Variants in MAGI2 observed in about 807,000 individuals in gnomAD.
MAGI2 encodes the protein membrane associated guanylate kinase, WW and PDZ domain containing 2.
MAGI2 carries 35 observed loss-of-function variants against 133.3 expected under a neutral mutation model. That is an observed-to-expected ratio of 0.26 (90% CI 0.20 to 0.35). The LOEUF is 0.35. MAGI2 is among the 10% of genes least tolerant of loss of function. The pLI, the probability that MAGI2 is intolerant of heterozygous loss-of-function variation, is 1.00. For missense variants in MAGI2, 1,636 were observed against 1,863.4 expected (o/e 0.88, Z 2.25); for synonymous variants, 729 against 710.6 (o/e 1.03, Z -0.41).
At chr7:78,467,180 C>T (rs1790718846) in intron 6 of MAGI2, among the ~76,000 whole-genome samples, 1 of 152,110 alleles carries the variant, frequency 6.6e-6, no homozygotes, top group South Asian at 2.1e-4. Flanking sequence ...GGTTCTCTGT[C>T]ACATTTGGAG....
At chr7:79,024,751 A>AAAGCTCAAT (rs1443199397) in intron 1 of MAGI2, among the ~76,000 whole-genome samples, 14 of 152,154 alleles carry the variant, frequency 9.2e-5, no homozygotes, top group African/African-American at 3.1e-4. Flanking sequence ...CACATGAAAA[A>AAAGCTCAAT]AAGCTCAATA....
chr7:79,437,570 T>C (rs1178994353), intron 1 of MAGI2, among the ~76,000 whole-genome samples: 10 of 152,208 alleles, frequency 6.6e-5, no homozygotes, highest in African/African-American at 2.4e-4. Context: ...AACATAGTAC[T>C]CAAAGAGTAA....
At chr7:79,226,895 T>C (rs1480880975) in intron 1 of MAGI2, among the ~76,000 whole-genome samples, 1 of 152,200 alleles carries the variant, frequency 6.6e-6, no homozygotes, top group Non-Finnish European at 1.5e-5. Flanking sequence ...TTAGAATATG[T>C]AATTTGCAAG....
chr7:78,137,621 A>G (rs935534016), intron 16 of MAGI2, among the ~76,000 whole-genome samples: 7 of 152,224 alleles, frequency 4.6e-5, no homozygotes, highest in Non-Finnish European at 8.8e-5. Context: ...CCTAAGTATC[A>G]ACACAGGAAA....
chr7:78,575,367 T>G (rs958982311), intron 3 of MAGI2, among the ~76,000 whole-genome samples: 1 of 152,156 alleles, frequency 6.6e-6, no homozygotes, highest in African/African-American at 2.4e-5. Flanking sequence ...TGAGGTAGAA[T>G]AGAAAAATCT....
intron 2 of MAGI2, among the ~76,000 whole-genome samples, chr7:78,669,873 C>G (rs1365744246): frequency 1.6e-4 from 24 of 150,976 alleles, no homozygotes; most frequent in East Asian, 7.8e-4. Context: ...ATTCAACAAC[C>G]CTTCATGCTA....
intron 2 of MAGI2, among the ~76,000 whole-genome samples, chr7:78,718,301 G>A (rs1280247570): frequency 2.6e-5 from 4 of 152,092 alleles, no homozygotes; most frequent in East Asian, 1.9e-4. Flanking sequence ...AGCACATACC[G>A]TCCATCTCAG....
intron 2 of MAGI2, among the ~76,000 whole-genome samples, chr7:78,687,969 T>TA (rs72030909): frequency 0.02 from 1,322 of 66,986 alleles, 54 homozygotes; most frequent in Non-Finnish European, 0.021. Flanking sequence ...GTCCTTGCCT[T>TA]AAAAAAAAAA....
chr7:79,433,997 A>C (rs1847965931), intron 1 of MAGI2, among the ~76,000 whole-genome samples: 2 of 152,122 alleles, frequency 1.3e-5, no homozygotes, highest in African/African-American at 4.8e-5. Context: ...CCATTTTATC[A>C]CTAATTTACG....
At chr7:78,076,763 G>A (rs1299179499) in intron 21 of MAGI2, among the ~76,000 whole-genome samples, 6 of 145,344 alleles carry the variant, frequency 4.1e-5, no homozygotes, top group African/African-American at 1.3e-4. Context: ...GGAGAATGGC[G>A]TGAACCCGGG....
chr7:79,050,593 A>G (rs1812586718), intron 1 of MAGI2, among the ~76,000 whole-genome samples: 2 of 152,072 alleles, frequency 1.3e-5, no homozygotes, highest in South Asian at 4.2e-4. Context: ...TGTTGCCAAG[A>G]CTGGTCTCAA....
intron 3 of MAGI2, chr7:78,617,196 A>C (rs545495412): frequency 6.6e-6 from 1 of 152,118 alleles, no homozygotes; most frequent in East Asian, 1.9e-4. Flanking sequence ...CAAATTCAAG[A>C]TCCTGTGTGG....
intron 6 of MAGI2, among the ~76,000 whole-genome samples, chr7:78,461,729 T>G (rs975459593): frequency 4.6e-5 from 7 of 151,272 alleles, no homozygotes; most frequent in Admixed American, 3.3e-4. Context: ...CTGACCAACA[T>G]GGAGAAACCC....
chr7:78,813,418 T>G (rs182982512), intron 2 of MAGI2, among the ~76,000 whole-genome samples: 1 of 152,286 alleles, frequency 6.6e-6, no homozygotes, highest in Admixed American at 6.5e-5. Context: ...ACCACAACAT[T>G]AACAGTCTAA....
intron 6 of MAGI2, among the ~76,000 whole-genome samples, chr7:78,369,959 A>G (rs1320359006): frequency 6.6e-6 from 1 of 152,034 alleles, no homozygotes; most frequent in Non-Finnish European, 1.5e-5. Context: ...AGGTTTTATA[A>G]TTATTAACTC....
chr7:78,411,640 C>A (rs1797881910), intron 6 of MAGI2, among the ~76,000 whole-genome samples: 1 of 151,958 alleles, frequency 6.6e-6, no homozygotes, highest in African/African-American at 2.4e-5. Flanking sequence ...TCATTTCTTG[C>A]GTTGGGTTTG....
At position 78,532,946 on chromosome 7, in the gene MAGI2, C is replaced by G. The variant is rs1438992640; in HGVS notation, c.539-11301G>C. On this transcript the variant is annotated intron_variant, in intron 3 of 21. Coordinates refer to ENST00000354212, the MANE Select transcript of MAGI2 (RefSeq NM_012301.4). ...TTAAAACTCTGGAAATCAACTAATTCTTTTTTTTTTTTTGAGATGGAGTCT... is the reference window on the plus strand; with the variant it reads ...TTAAAACTCTGGAAATCAACTAATTGTTTTTTTTTTTTTGAGATGGAGTCT... Among the ~76,000 whole-genome samples, 3 of 145,636 alleles carry G rather than the reference C, an allele frequency of 2.1e-5. No homozygotes were observed. In the South Asian group the frequency reaches 6.6e-4, roughly 32 times the overall value.
At chr7:78,201,562 A>G (rs926371193) in intron 10 of MAGI2, among the ~76,000 whole-genome samples, 2 of 152,202 alleles carry the variant, frequency 1.3e-5, no homozygotes, top group African/African-American at 4.8e-5. Flanking sequence ...TTTGATTTCA[A>G]AGGTAAATAT....
Position 79,445,006 on chromosome 7 carries a change from T to C in MAGI2, c.301+8014A>G, listed in dbSNP as rs1448658113. Among the ~76,000 whole-genome samples the C allele has an allele frequency of 2.6e-5, 4 of 152,186 alleles. No homozygotes were observed. The South Asian group carries it at 8.3e-4, about 32-fold the overall frequency. Reference sequence around the variant, plus strand: ...AACAGAACAGAGCCCTCAGAAATAATGCCGCATATCTACAACTCTCTGATC... The same window carrying C: ...AACAGAACAGAGCCCTCAGAAATAACGCCGCATATCTACAACTCTCTGATC... On this transcript the variant is annotated intron_variant, in intron 1 of 21. Transcript: ENST00000354212.
Sources: allele counts gnomAD v4.1 joint callset (sites outside exome capture counted in the v4.1 genomes callset), GRCh38; gene constraint gnomAD v4.1.1; transcripts MANE v1.5; gene names NCBI Gene and HGNC (gene_info 2026-07-23, HGNC 2026-07-21).